The following RNF150 variants were observed in gnomAD, a reference collection of about 807,000 sequenced individuals.
The protein encoded by RNF150 is ring finger protein 150.
Under a neutral mutation model 39.3 loss-of-function variants are expected in RNF150, and 24 were observed. The observed-to-expected ratio is 0.61, with a 90% CI of 0.44 to 0.86. The LOEUF is 0.86. Ranked by LOEUF, RNF150 falls within the 40% of genes least tolerant of loss-of-function variation. RNF150 has a pLI of 0.00. For missense variants in RNF150, 502 were observed against 587.8 expected (o/e 0.85, Z 1.51); for synonymous variants, 255 against 227.3 (o/e 1.12, Z -1.10).
chr4:140,903,484 C>G lies in RNF150; in HGVS notation c.1198+7660G>C, dbSNP rs530500942. 2.6e-4 allele frequency among the ~76,000 whole-genome samples: 40 copies of G among 152,232 alleles called. 1 individual carries two copies. In the Middle Eastern group the frequency reaches 0.01, roughly 39 times the overall value. On this transcript the variant is annotated intron_variant, in intron 6 of 6. Transcript: ENST00000515673. ...AAACACAAATGTTATCTTATTTACACGAGACCCTCCTCAGACATTGAAAAA... is the reference window on the plus strand; with the variant it reads ...AAACACAAATGTTATCTTATTTACAGGAGACCCTCCTCAGACATTGAAAAA...
intron 4 of RNF150, among the ~76,000 whole-genome samples, chr4:140,926,364 G>A (rs1361394690): frequency 1.3e-5 from 2 of 152,280 alleles, no homozygotes; most frequent in East Asian, 3.9e-4. Context: ...TCAATAGGAA[G>A]AAGCTCCAAT....
chr4:141,099,766 C>A, intron 1 of RNF150, among the ~76,000 whole-genome samples: 1 of 151,364 alleles, frequency 6.6e-6, no homozygotes, highest in Non-Finnish European at 1.5e-5. Context: ...GTGGGATGGC[C>A]CCTCAAAACA....
At chr4:140,973,886 A>AG (rs1218106892) in intron 1 of RNF150, among the ~76,000 whole-genome samples, 1 of 151,306 alleles carries the variant, frequency 6.6e-6, no homozygotes, top group African/African-American at 2.4e-5. Context: ...AAAAAAAAAA[A>AG]AAAAAAAAAA....
At chr4:141,164,313 C>CCAAA (rs2111162570) in intron 1 of RNF150, among the ~76,000 whole-genome samples, 1 of 151,844 alleles carries the variant, frequency 6.6e-6, no homozygotes, top group South Asian at 2.1e-4. Flanking sequence ...TGTGAAAAGA[C>CCAAA]CAAACCTACG....
chr4:140,926,139 C>T (rs775409601), intron 4 of RNF150, 66 bp from the exon 5 acceptor site: 8 of 1,147,474 alleles, frequency 7.0e-6, no homozygotes, highest in Non-Finnish European at 1.0e-5. Flanking sequence ...CACCATGGCC[C>T]AGGGACTCGT....
intron 1 of RNF150, among the ~76,000 whole-genome samples, chr4:141,085,102 C>T (rs1285030477): frequency 6.6e-6 from 1 of 152,086 alleles, no homozygotes; most frequent in African/African-American, 2.4e-5. Context: ...TTAATGGACT[C>T]ACAGTTTCAC....
At chr4:141,158,839 T>C (rs1727464780) in intron 1 of RNF150, among the ~76,000 whole-genome samples, 1 of 152,172 alleles carries the variant, frequency 6.6e-6, no homozygotes, top group South Asian at 2.1e-4. Flanking sequence ...AAAACCTCTT[T>C]TTACCTGAAC....
At chr4:141,029,255 G>T (rs7657499) in intron 1 of RNF150, among the ~76,000 whole-genome samples, 1 of 152,026 alleles carries the variant, frequency 6.6e-6, no homozygotes, top group Non-Finnish European at 1.5e-5. Flanking sequence ...CATTGATAAT[G>T]TATAGAAACA....
intron 1 of RNF150, among the ~76,000 whole-genome samples, chr4:141,044,542 C>T (rs914562754): frequency 6.6e-6 from 1 of 152,156 alleles, no homozygotes; most frequent in African/African-American, 2.4e-5. Context: ...TGAATATTTA[C>T]ATAACATTAT....
intron 1 of RNF150, among the ~76,000 whole-genome samples, chr4:141,173,490 A>AT (rs2111175976): frequency 6.6e-6 from 1 of 152,302 alleles, no homozygotes; most frequent in Non-Finnish European, 1.5e-5. Flanking sequence ...AGAAGATGAA[A>AT]TTGAGGAACA....
At chr4:140,917,836 ACTGT>A (rs2111294425) in intron 5 of RNF150, among the ~76,000 whole-genome samples, 1 of 151,428 alleles carries the variant, frequency 6.6e-6, no homozygotes. Context: ...ATTATAACAA[ACTGT>A]CTCTCAGACC....
chr4:141,000,000 AAG>A lies in RNF150; in HGVS notation c.485-32129_485-32128del, dbSNP rs1560678829. 1.1e-4 allele frequency among the ~76,000 whole-genome samples: 4 copies of A among 34,854 alleles called. No homozygotes were observed. In the East Asian group the frequency reaches 2.1e-3, roughly 18 times the overall value. 22.9% of individuals were successfully genotyped at this position (34,854 alleles called of 152,430 possible). A position where few individuals can be genotyped will look rare whatever the true frequency, so the allele number is the denominator to read the frequency against. ...GAAAAGAAGAAAAGAAGAAAAGAAG[AAG>A]AAGAAGAAGAAGAAGAAGAAGAAGA... On this transcript the variant is annotated intron_variant, in intron 1 of 6. Coordinates refer to ENST00000515673, the MANE Select transcript of RNF150 (RefSeq NM_020724.2).
At chr4:140,969,976 C>T (rs1733400576) in intron 1 of RNF150, among the ~76,000 whole-genome samples, 1 of 151,974 alleles carries the variant, frequency 6.6e-6, no homozygotes, top group African/African-American at 2.4e-5. Context: ...ATTGGCCAGG[C>T]TCGTCTTGAA....
At chr4:141,105,596 G>A (rs891660751) in intron 1 of RNF150, among the ~76,000 whole-genome samples, 4 of 152,090 alleles carry the variant, frequency 2.6e-5, no homozygotes, top group Admixed American at 6.6e-5. Flanking sequence ...TCAGAGCCAT[G>A]CTAGTAATAC....
intron 1 of RNF150, among the ~76,000 whole-genome samples, chr4:141,086,840 C>A (rs1738384508): frequency 6.6e-6 from 1 of 151,886 alleles, no homozygotes; most frequent in South Asian, 2.1e-4. Flanking sequence ...ATCAACAGCC[C>A]AGCTGAACAG....
chr4:140,969,612 A>C (rs1052288897), intron 1 of RNF150, among the ~76,000 whole-genome samples: 1 of 151,960 alleles, frequency 6.6e-6, no homozygotes, highest in African/African-American at 2.4e-5. Flanking sequence ...TAATGGTAGA[A>C]TAATAATTTT....
chr4:141,143,162 G>A lies in RNF150; in HGVS notation c.-6+69632C>T, dbSNP rs139308247. ...TGAGATTGCAGGCGTGAGCCACCGC[G>A]CCTGGTCAGGTATCTCATCTTTAAA... On this transcript the variant is annotated intron_variant, in intron 1 of 7. Coordinates refer to the RNF150 transcript ENST00000420921. Among the ~76,000 whole-genome samples, 919 of 152,210 alleles carry A rather than the reference G, an allele frequency of 6.0e-3. 4 individuals are homozygous for A. The highest frequency in any genetic ancestry group is 8.7e-3 in the Non-Finnish European group (589 of 68,014).
chr4:141,055,911 G>C (rs938359972), intron 1 of RNF150, among the ~76,000 whole-genome samples: 4 of 152,142 alleles, frequency 2.6e-5, no homozygotes, highest in African/African-American at 7.2e-5. Context: ...CCACACACAG[G>C]TGTGCACTTT....
chr4:140,971,356 A>G (rs1025409127), intron 1 of RNF150, among the ~76,000 whole-genome samples: 1 of 152,148 alleles, frequency 6.6e-6, no homozygotes, highest in Non-Finnish European at 1.5e-5. Context: ...GCTACTACGC[A>G]TCTATGACAT....
Sources: allele counts gnomAD v4.1 joint callset (sites outside exome capture counted in the v4.1 genomes callset), GRCh38; gene constraint gnomAD v4.1.1; transcripts MANE v1.5; gene names NCBI Gene and HGNC (gene_info 2026-07-23, HGNC 2026-07-21).